Variants in CCDC187 observed in about 807,000 individuals in gnomAD.
CCDC187 encodes coiled-coil domain containing 187.
CCDC187 carries 32 observed loss-of-function variants against 38.0 expected under a neutral mutation model. That is an observed-to-expected ratio of 0.84 (90% CI 0.64 to 1.13). The LOEUF is 1.13. Among genes scored for constraint, CCDC187 ranks in the 50% most tolerant of loss-of-function variants. CCDC187 has a pLI of 0.00. For missense variants in CCDC187, 707 were observed against 786.8 expected, an observed-to-expected ratio of 0.90 and a Z score of 1.21; for synonymous variants, 333 against 347.9, an observed-to-expected ratio of 0.96 and a Z score of 0.48.
chr9:136,290,278 T>TGCAGGCCCTGCAGAC (rs1359694625), intron 6 of CCDC187, among the ~76,000 whole-genome samples: 2,120 of 151,996 alleles, frequency 0.014, 27 homozygotes, highest in Non-Finnish European at 0.016. Flanking sequence ...ACCCTGCACC[T>TGCAGGCCCTGCAGAC]CACCAGGGCC....
At position 136,258,667 on chromosome 9, in the gene CCDC187, C is replaced by T. The variant is rs916894887; in HGVS notation, c.4366+265G>A. ...CACTTAAAAATCTGCCCCAGATGAA[C>T]GAAGTTGCGACTAAAACAATCCCAG... is the stretch of plus-strand genomic sequence containing the variant. On this transcript the variant is annotated intron_variant, in intron 22 of 25. Transcript: ENST00000638797. The surrounding 1 kb of genome is among the most constrained non-coding windows in gnomAD (Gnocchi z 4.3). The T allele has an allele frequency of 1.8e-5, 18 of 983,352 alleles. No homozygotes were observed. Among genetic ancestry groups the T allele is most frequent in the African/African-American group, 3.5e-5 (2 of 57,202 alleles). The allele number at this position is 983,352 out of a possible 1,614,324, so 60.9% of individuals were successfully genotyped here.
intron 7 of CCDC187, among the ~76,000 whole-genome samples, chr9:136,288,086 T>C (rs1328719640): frequency 6.6e-6 from 1 of 151,998 alleles, no homozygotes; most frequent in East Asian, 1.9e-4. Context: ...TCCCAGCTAC[T>C]CGGGAGGCTG....
At position 136,259,016 on chromosome 9, in the gene CCDC187, G is replaced by C. The variant is rs1410545901; in HGVS notation, c.4297-15C>G. ...GCCTCCTCGGCCTGGGGGGTGAGAC[G>C]GGAGTGGACATGGCACAGGGCCCTG... On this transcript the variant is annotated splice_polypyrimidine_tract_variant and intron_variant, in intron 21 of 25. Coordinates refer to ENST00000638797, the MANE Select transcript of CCDC187 (RefSeq NM_001378188.1). 3.0e-6 allele frequency: 3 copies of C among 985,918 alleles called. No homozygotes were observed. In the South Asian group the frequency reaches 1.4e-4, roughly 46 times the overall value. The allele number at this position is 985,918 out of a possible 1,614,324, so 61.1% of individuals were successfully genotyped here.
intron 14 of CCDC187, among the ~76,000 whole-genome samples, chr9:136,271,267 A>G (rs1043837485): frequency 1.3e-5 from 2 of 152,222 alleles, no homozygotes; most frequent in African/African-American, 4.8e-5. Context: ...CCTGCCTATA[A>G]TCCCAGCACT....
intron 3 of CCDC187, among the ~76,000 whole-genome samples, chr9:136,299,315 G>A (rs1831615132): frequency 2.0e-5 from 3 of 152,274 alleles, no homozygotes; most frequent in Admixed American, 2.0e-4. Context: ...ATGCCTGCCT[G>A]TGGCTGCTGC....
rs913931333 is a variant in CCDC187, at chr9:136,301,752, A to G, written c.625+1060T>C. Among the ~76,000 whole-genome samples, 17 of 151,782 alleles carry G rather than the reference A, an allele frequency of 1.1e-4. No homozygotes were observed. The East Asian group carries it at 1.8e-3, about 16-fold the overall frequency. ...CAGGCGCCCGCCACCATGCCCAGCTAGTTTTTTTTGTATTTTTGGTAGAGA... is the reference window on the plus strand; with the variant it reads ...CAGGCGCCCGCCACCATGCCCAGCTGGTTTTTTTTGTATTTTTGGTAGAGA... On this transcript the variant is annotated intron_variant, in intron 2 of 25. Coordinates refer to ENST00000638797, the MANE Select transcript of CCDC187 (RefSeq NM_001378188.1).
intron 2 of CCDC187, among the ~76,000 whole-genome samples, chr9:136,300,918 G>C (rs1391181074): frequency 1.3e-5 from 2 of 152,210 alleles, no homozygotes; most frequent in African/African-American, 4.8e-5. Context: ...CTTTTGAATA[G>C]CACATCTGAC....
At position 136,254,577 on chromosome 9, in the gene CCDC187, C is replaced by T. The variant is rs34291323; in HGVS notation, c.5251G>A (p.Gly1751Arg). The change falls in exon 26 of 26, where the codon GGG (glycine) becomes AGG (arginine). Residue 1751 changes from glycine to arginine, a missense_variant. By Grantham distance (125) the Gly-to-Arg change is moderately radical. Coordinates refer to ENST00000638797, the MANE Select transcript of CCDC187 (RefSeq NM_001378188.1). ...PFPDIPSPRSGSELSEASSKV... is the reference protein window; with the variant it reads ...PFPDIPSPRSRSELSEASSKV... ...CTGGAGGCCTCTGACAGCTCTGACC[C>T]TGACCTTGGAGAGGGGATGTCTGGG... 0.59 allele frequency: 581,359 copies of T among 985,354 alleles called. 179,366 individuals are homozygous for T. The highest frequency in any genetic ancestry group is 0.63 in the Non-Finnish European group (521,356 of 829,940). The allele number at this position is 985,354 out of a possible 1,614,324, so 61.0% of individuals were successfully genotyped here.
intron 3 of CCDC187, among the ~76,000 whole-genome samples, chr9:136,299,972 G>A (rs960594559): frequency 6.6e-6 from 1 of 152,218 alleles, no homozygotes; most frequent in Non-Finnish European, 1.5e-5. Flanking sequence ...AACAAAAAAT[G>A]CCCCTGCTCA....
chr9:136,275,661 G>A (rs1212868382), intron 12 of CCDC187, among the ~76,000 whole-genome samples: 1 of 152,184 alleles, frequency 6.6e-6, no homozygotes, highest in Non-Finnish European at 1.5e-5. Context: ...TCAATCCCCT[G>A]CCAGGGTCAC....
In CCDC187 at chr9:136,286,398, G is replaced by A; in HGVS notation, c.2520C>T (p.Ser840=). ...TAKVLKQRVD[S]LTAKLQGAEA... ...CGGCACCCTGCAGCTTGGCGGTGAG[G>A]CTATCGACCCGCTGCTTGAGGACTT... is the stretch of plus-strand genomic sequence containing the variant. Residue 840 remains serine (S), a synonymous_variant, in exon 8 of 26, where the codon AGC becomes AGT. Transcript: ENST00000638797. 2.5e-6 allele frequency: 1 copy of A among 398,678 alleles called. No homozygotes were observed. Among genetic ancestry groups the A allele is most frequent in the Non-Finnish European group, 4.4e-6 (1 of 226,086 alleles). The allele number at this position is 398,678 out of a possible 1,614,324, so 24.7% of individuals were successfully genotyped here. A position where few individuals can be genotyped will look rare whatever the true frequency, so the allele number is the denominator to read the frequency against.
chr9:136,252,009 T>C lies in CCDC187; in HGVS notation c.*1585A>G, dbSNP rs1394547229. 1 of 74,814 alleles carries C rather than the reference T, an allele frequency of 1.3e-5. No individual in the cohort carries two copies. The highest frequency in any genetic ancestry group is 4.2e-4 in the East Asian group (1 of 2,408). 4.6% of individuals were successfully genotyped at this position (74,814 alleles called of 1,614,324 possible). On this transcript the variant is annotated 3_prime_UTR_variant, in exon 26 of 26. Transcript: ENST00000638797. ...AGCCGGCCGCCCACCTGGTCCACCC[T>C]GGGAAGAGCCGGCCGCCCACCCAGT...
intron 3 of CCDC187, among the ~76,000 whole-genome samples, chr9:136,298,977 C>T (rs913171989): frequency 6.6e-5 from 10 of 152,282 alleles, no homozygotes; most frequent in South Asian, 2.1e-4. Context: ...AGCGTGAAAA[C>T]GAGGCTGCCA....
Position 136,271,807 on chromosome 9 carries a change from C to T in CCDC187, c.3442+2851G>A, listed in dbSNP as rs540415080. On this transcript the variant is annotated intron_variant, in intron 14 of 25. Transcript: ENST00000638797. ...TATTTTTAGTAGAGATGGGGTTTCA[C>T]CATGTTAGCCAGGATGGTCTTGATC... Among the ~76,000 whole-genome samples, 292 of 151,984 alleles carry T rather than the reference C, an allele frequency of 1.9e-3. 1 individual carries two copies. The highest frequency in any genetic ancestry group is 6.9e-3 in the African/African-American group (287 of 41,474).
At chr9:136,282,262 C>G (rs1417120835) in intron 9 of CCDC187, among the ~76,000 whole-genome samples, 10 of 152,192 alleles carry the variant, frequency 6.6e-5, no homozygotes, top group African/African-American at 2.4e-4. Context: ...ACCATGGAGG[C>G]AGGTACAACT....
rs1021763577 is a variant in CCDC187 at position 136,299,947 on chromosome 9, C to T, written c.724+273G>A. The stretch of plus-strand genomic sequence containing the variant: ...TGTGCAGGAGATCTCTCAGCAAAAA[C>T]AAACAAACAACAACAACAAAAAATG... On this transcript the variant is annotated intron_variant, in intron 3 of 25. Coordinates refer to ENST00000638797, the MANE Select transcript of CCDC187 (RefSeq NM_001378188.1). 1.6e-4 allele frequency among the ~76,000 whole-genome samples: 24 copies of T among 151,540 alleles called. 1 individual carries two copies. In the South Asian group the frequency reaches 3.3e-3, roughly 21 times the overall value.
intron 4 of CCDC187, among the ~76,000 whole-genome samples, chr9:136,295,559 C>T (rs1037762370): frequency 1.1e-4 from 16 of 152,276 alleles, no homozygotes; most frequent in Middle Eastern, 3.4e-3. Context: ...TCCTTTGGCC[C>T]GGATGGATGA....
intron 7 of CCDC187, among the ~76,000 whole-genome samples, chr9:136,288,258 G>C (rs1831228335): frequency 6.6e-6 from 1 of 152,154 alleles, no homozygotes; most frequent in East Asian, 1.9e-4. Flanking sequence ...GCTGCCCTGT[G>C]ACCCAGACTC....
chr9:136,250,364 G>A lies in CCDC187; in HGVS notation c.*3230C>T, dbSNP rs1328633667. 5.1e-6 allele frequency: 1 copy of A among 196,144 alleles called. No individual in the cohort carries two copies. Among genetic ancestry groups the A allele is most frequent in the Non-Finnish European group, 1.1e-5 (1 of 93,444 alleles). 12.2% of individuals were successfully genotyped at this position (196,144 alleles called of 1,614,324 possible). On this transcript the variant is annotated 3_prime_UTR_variant, in exon 26 of 26. Transcript: ENST00000638797. Reference sequence around the variant, plus strand: ...GCTGGTTCCAGCTGTGACTGCAGCCGCCACCGCATTGCGCCGCACGTCAGC... The same window carrying A: ...GCTGGTTCCAGCTGTGACTGCAGCCACCACCGCATTGCGCCGCACGTCAGC...
Sources: gnomAD v4.1 joint callset for allele counts (sites outside exome capture counted in the v4.1 genomes callset) on GRCh38, gnomAD v4.1.1 for gene constraint, Gnocchi (gnomAD v3.1) non-coding constraint, MANE v1.5 for transcripts, NCBI Gene and HGNC (gene_info 2026-07-23, HGNC 2026-07-21) for gene names.